The following OR2AG1 variants were observed in gnomAD, a reference collection of about 807,000 sequenced individuals.
OR2AG1 encodes the protein olfactory receptor 2AG1.
For synonymous variants in OR2AG1, 157 were observed against 155.6 expected (o/e 1.01, Z -0.07); for missense variants, 391 against 385.9 (o/e 1.01, Z -0.11).
At position 6,785,841 on chromosome 11, in the gene OR2AG1, C is replaced by G. The variant is rs1424180978; in HGVS notation, c.804C>G (p.Thr268=). The part of the protein sequence containing the change: ...MYVLPSSFHS[T]RQDNIISVFY... ...TCTTGCCCAGTTCCTTCCACAGCAC[C>G]AGACAAGACAACATCATCTCTGTTT... The change falls in exon 2 of 2, where the codon ACC becomes ACG. Residue 268 remains threonine, a synonymous_variant. Coordinates refer to ENST00000641258, the MANE Select transcript of OR2AG1 (RefSeq NM_001004489.3). 1 of 1,614,104 alleles carries G rather than the reference C, an allele frequency of 6.2e-7. No individual in the cohort carries two copies. The highest frequency in any genetic ancestry group is 1.1e-5 in the South Asian group (1 of 91,080).
Position 6,785,359 on chromosome 11 carries a change from G to A in OR2AG1, c.322G>A (p.Gly108Ser). The A allele has an allele frequency of 5.0e-6, 8 of 1,614,170 alleles. No individual in the cohort carries two copies. Among genetic ancestry groups the A allele is most frequent in the Non-Finnish European group, 6.8e-6 (8 of 1,180,030 alleles). The change falls in exon 2 of 2, where the codon GGT becomes AGT. Residue 108 changes from glycine (G) to serine (S), a missense_variant. Physicochemically the swap from Gly to Ser is moderately conservative, Grantham distance 56 (BLOSUM62 0). Transcript: ENST00000641258. Reference protein sequence around the residue: ...ALQMFLALTMGGAEDLLLAFM... With the variant: ...ALQMFLALTMSGAEDLLLAFM... The stretch of plus-strand genomic sequence containing the variant: ...TCAGATGTTCCTGGCACTGACAATG[G>A]GTGGTGCTGAGGACCTCCTACTGGC...
At position 6,787,003 on chromosome 11, in the gene OR2AG1, G is replaced by A. The variant is rs1189813442; in HGVS notation, c.*1015G>A. Reference sequence around the variant, plus strand: ...GGCTAATTACATGACACTCTTTTGGGGGATATTGCTGTTTGAAGATTCGCT... The same window carrying A: ...GGCTAATTACATGACACTCTTTTGGAGGATATTGCTGTTTGAAGATTCGCT... On this transcript the variant is annotated 3_prime_UTR_variant, in exon 2 of 2. Coordinates refer to ENST00000641258, the MANE Select transcript of OR2AG1 (RefSeq NM_001004489.3). 6.6e-6 allele frequency: 1 copy of A among 152,190 alleles called. No individual in the cohort carries two copies. The highest frequency in any genetic ancestry group is 1.5e-5 in the Non-Finnish European group (1 of 68,020). 9.4% of individuals were successfully genotyped at this position (152,190 alleles called of 1,614,324 possible).
rs771258085 is a variant in OR2AG1, at chr11:6,785,402, G to C, written c.365G>C (p.Arg122Thr). 2 of 1,614,024 alleles carry C rather than the reference G, an allele frequency of 1.2e-6. No homozygotes were observed. Among genetic ancestry groups the C allele is most frequent in the Non-Finnish European group, 8.5e-7 (1 of 1,180,018 alleles). Reference sequence around the variant, plus strand: ...CTACTGGCCTTCATGGCCTATGACAGGTATGTGGCCATTTGTCATCCTCTG... The same window carrying C: ...CTACTGGCCTTCATGGCCTATGACACGTATGTGGCCATTTGTCATCCTCTG... ...DLLLAFMAYD[R>T]YVAICHPLTY... The change falls in exon 2 of 2, where the codon AGG (arginine) becomes ACG (threonine). Residue 122 changes from arginine to threonine, a missense_variant. Transcript: ENST00000641258.
rs962615911 is a variant in OR2AG1, at chr11:6,788,481, C to T, written c.*2493C>T. 1 of 152,106 alleles carries T rather than the reference C, an allele frequency of 6.6e-6. No individual in the cohort carries two copies. Among genetic ancestry groups the T allele is most frequent in the African/African-American group, 2.4e-5 (1 of 41,412 alleles). The allele number at this position is 152,106 out of a possible 1,614,324, so 9.4% of individuals were successfully genotyped here. On this transcript the variant is annotated 3_prime_UTR_variant, in exon 2 of 2. Transcript: ENST00000641258. Reference sequence around the variant, plus strand: ...ATTTTGGCTAACTCTTCAGTTCTAGCTTCTTTCTCCTCTTTACTCTTTTGG... The same window carrying T: ...ATTTTGGCTAACTCTTCAGTTCTAGTTTCTTTCTCCTCTTTACTCTTTTGG...
At chr11:6,784,668 C>G (rs911563124) in intron 1 of OR2AG1, among the ~76,000 whole-genome samples, 6 of 152,184 alleles carry the variant, frequency 3.9e-5, no homozygotes, top group African/African-American at 1.4e-4. Context: ...AGAAAACTAA[C>G]TGGATAGTTA....
rs1847655336 is a variant in OR2AG1 at position 6,788,931 on chromosome 11, TAAA to T, written c.*2944_*2946del. The T allele has an allele frequency of 6.8e-6, 1 of 147,676 alleles. No homozygotes were observed. Among genetic ancestry groups the T allele is most frequent in the African/African-American group, 2.5e-5 (1 of 39,730 alleles). 9.1% of individuals were successfully genotyped at this position (147,676 alleles called of 1,614,324 possible). On this transcript the variant is annotated 3_prime_UTR_variant, in exon 2 of 2. Coordinates refer to ENST00000641258, the MANE Select transcript of OR2AG1 (RefSeq NM_001004489.3). ...CAAAATAAATAAATAAATAAATAAA[TAAA>T]TAAATAAATAAATAAATAAAGTAAG...
intron 1 of OR2AG1, 82 bp downstream of exon 1, chr11:6,783,553 A>G (rs1195232728): frequency 1.3e-5 from 2 of 152,162 alleles, no homozygotes; most frequent in African/African-American, 4.8e-5. Context: ...AGCATACCCT[A>G]AGAACTTGAA....
chr11:6,785,031 C>T lies in OR2AG1; in HGVS notation c.-7C>T. 1 of 1,578,272 alleles carries T rather than the reference C, an allele frequency of 6.3e-7. No homozygotes were observed. The highest frequency in any genetic ancestry group is 1.2e-5 in the South Asian group (1 of 86,894). ...ATCTTGTTCTAGGTGATGAAAGAAA[C>T]CACAGCATGGAGCTCTGGAACTTCA... On this transcript the variant is annotated 5_prime_UTR_variant, in exon 2 of 2. Transcript: ENST00000641258.
At position 6,786,104 on chromosome 11, in the gene OR2AG1, A is replaced by C; in HGVS notation, c.*116A>C. 1 of 764,092 alleles carries C rather than the reference A, an allele frequency of 1.3e-6. No homozygotes were observed. Among genetic ancestry groups the C allele is most frequent in the Non-Finnish European group, 2.1e-6 (1 of 486,080 alleles). The allele number at this position is 764,092 out of a possible 1,614,324, so 47.3% of individuals were successfully genotyped here. On this transcript the variant is annotated 3_prime_UTR_variant, in exon 2 of 2. Coordinates refer to ENST00000641258, the MANE Select transcript of OR2AG1 (RefSeq NM_001004489.3). The stretch of plus-strand genomic sequence containing the variant: ...GTGCAGAGTATAGCATTTAATAGAA[A>C]AGTGAAGGAATGTAACTGGATTTGT...
chr11:6,786,544 C>T lies in OR2AG1; in HGVS notation c.*556C>T, dbSNP rs965479258. On this transcript the variant is annotated 3_prime_UTR_variant, in exon 2 of 2. Transcript: ENST00000641258. ...CCATATGAAACACTCTAACAAGTGT[C>T]TTTGCTTGTTTGTTTTTGTTTGTTG... 1.3e-5 allele frequency: 2 copies of T among 152,118 alleles called. No homozygotes were observed. The highest frequency in any genetic ancestry group is 2.9e-5 in the Non-Finnish European group (2 of 68,040). The allele number at this position is 152,118 out of a possible 1,614,324, so 9.4% of individuals were successfully genotyped here.
rs1209853828 is a variant in OR2AG1, at chr11:6,790,082, AC to A, written c.*4095del. The A allele has an allele frequency of 2.0e-5, 3 of 152,170 alleles. No homozygotes were observed. Among genetic ancestry groups the A allele is most frequent in the Non-Finnish European group, 4.4e-5 (3 of 68,024 alleles). The allele number at this position is 152,170 out of a possible 1,614,324, so 9.4% of individuals were successfully genotyped here. On this transcript the variant is annotated 3_prime_UTR_variant, in exon 2 of 2. Coordinates refer to ENST00000641258, the MANE Select transcript of OR2AG1 (RefSeq NM_001004489.3). ...TTATTTACCCTTAAAAGGGAAGGAC[AC>A]TCTGTCATTTGCAATGAAATAGACC... is the stretch of plus-strand genomic sequence containing the variant.
Position 6,789,677 on chromosome 11 carries a change from AAAAAC to A in OR2AG1, c.*3694_*3698del, listed in dbSNP as rs1310632420. ...AGAAAACAAACAAACAAACAAACAA[AAAAAC>A]AAAAAACAACGAGATATCACGTCTT... On this transcript the variant is annotated 3_prime_UTR_variant, in exon 2 of 2. Coordinates refer to ENST00000641258, the MANE Select transcript of OR2AG1 (RefSeq NM_001004489.3). 3 of 154,906 alleles carry A rather than the reference AAAAAC, an allele frequency of 1.9e-5. No individual in the cohort carries two copies. The highest frequency in any genetic ancestry group is 7.3e-5 in the African/African-American group (3 of 41,140). The allele number at this position is 154,906 out of a possible 1,614,324, so 9.6% of individuals were successfully genotyped here.
In OR2AG1 at chr11:6,786,138, C is replaced by A; in HGVS notation, c.*150C>A. The A allele has an allele frequency of 1.6e-6, 1 of 614,526 alleles. No individual in the cohort carries two copies. The highest frequency in any genetic ancestry group is 2.8e-6 in the Non-Finnish European group (1 of 361,094). 38.1% of individuals were successfully genotyped at this position (614,526 alleles called of 1,614,324 possible). A position where few individuals can be genotyped will look rare whatever the true frequency, so the allele number is the denominator to read the frequency against. On this transcript the variant is annotated 3_prime_UTR_variant, in exon 2 of 2. Transcript: ENST00000641258. ...AATGTAACTGGATTTGTCAAATGCT[C>A]TTTAAATCTTCTCTCCATGAAGTAA...
chr11:6,783,998 C>T (rs1847597900), intron 1 of OR2AG1, among the ~76,000 whole-genome samples: 1 of 152,206 alleles, frequency 6.6e-6, no homozygotes, highest in Non-Finnish European at 1.5e-5. Context: ...TATCCAGTTT[C>T]ACAATGCACA....
rs1221880838 is a variant in OR2AG1 at position 6,785,060 on chromosome 11, T to C, written c.23T>C (p.Leu8Ser). ...AGCATGGAGCTCTGGAACTTCACCT[T>C]GGGAAGTGGCTTCATTTTGGTGGGG... Reference protein sequence around the residue: MELWNFTLGSGFILVGIL... With the variant: MELWNFTSGSGFILVGIL... Residue 8 changes from leucine (L) to serine (S), a missense_variant, in exon 2 of 2, where the codon TTG becomes TCG. Coordinates refer to ENST00000641258, the MANE Select transcript of OR2AG1 (RefSeq NM_001004489.3). The C allele has an allele frequency of 1.2e-6, 2 of 1,610,522 alleles. No homozygotes were observed. The highest frequency in any genetic ancestry group is 3.3e-5 in the Admixed American group (2 of 59,842).
rs1303806890 is a variant in OR2AG1 at position 6,786,487 on chromosome 11, T to A, written c.*499T>A. On this transcript the variant is annotated 3_prime_UTR_variant, in exon 2 of 2. Coordinates refer to ENST00000641258, the MANE Select transcript of OR2AG1 (RefSeq NM_001004489.3). ...TAGTAGTTTGCTTGTATTTGCATTGTACTTGCTCTTTTTTTTCTTTCTAAA... is the reference window on the plus strand; with the variant it reads ...TAGTAGTTTGCTTGTATTTGCATTGAACTTGCTCTTTTTTTTCTTTCTAAA... The A allele has an allele frequency of 6.6e-6, 1 of 152,588 alleles. No homozygotes were observed. The highest frequency in any genetic ancestry group is 1.9e-4 in the East Asian group (1 of 5,204). The allele number at this position is 152,588 out of a possible 1,614,324, so 9.5% of individuals were successfully genotyped here.
At position 6,785,592 on chromosome 11, in the gene OR2AG1, G is replaced by C. The variant is rs762557848; in HGVS notation, c.555G>C (p.Leu185=). The C allele has an allele frequency of 6.2e-7, 1 of 1,614,170 alleles. No individual in the cohort carries two copies. The highest frequency in any genetic ancestry group is 8.5e-7 in the Non-Finnish European group (1 of 1,180,018). The change falls in exon 2 of 2, where the codon CTG becomes CTC. Residue 185 remains leucine (L), a synonymous_variant. Transcript: ENST00000641258. The stretch of plus-strand genomic sequence containing the variant: ...TTCTCTGTGAGATCCCACACTTGCT[G>C]AAGGTGGCCTGTGCTGATACCTCCA... ...RHLLCEIPHL[L]KVACADTSRY... is the part of the protein sequence containing the mutation.
chr11:6,791,062 A>G lies in OR2AG1; in HGVS notation c.*5074A>G, dbSNP rs1451541984. On this transcript the variant is annotated 3_prime_UTR_variant, in exon 2 of 2. Coordinates refer to ENST00000641258, the MANE Select transcript of OR2AG1 (RefSeq NM_001004489.3). ...GCAAGAACAAAGGCCAAGGAGATGC[A>G]CTTGTGTCTTGGTGAGTAGCCAAAG... The G allele has an allele frequency of 6.6e-6, 1 of 152,126 alleles. No individual in the cohort carries two copies. Among genetic ancestry groups the G allele is most frequent in the Non-Finnish European group, 1.5e-5 (1 of 68,002 alleles). The allele number at this position is 152,126 out of a possible 1,614,324, so 9.4% of individuals were successfully genotyped here. A position where few individuals can be genotyped will look rare whatever the true frequency, so the allele number is the denominator to read the frequency against.
In OR2AG1 at chr11:6,786,614, T is replaced by C. The variant is rs547803047; in HGVS notation, c.*626T>C. ...TTTATAGTTCCTAAAATGCAATTAT[T>C]AATAAAATGAAGAAAATAGGAGGTG... is the stretch of plus-strand genomic sequence containing the variant. On this transcript the variant is annotated 3_prime_UTR_variant, in exon 2 of 2. Transcript: ENST00000641258. 5.3e-5 allele frequency: 8 copies of C among 152,342 alleles called. No homozygotes were observed. In the South Asian group the frequency reaches 1.7e-3, roughly 32 times the overall value. 9.4% of individuals were successfully genotyped at this position (152,342 alleles called of 1,614,324 possible).
Sources: allele counts gnomAD v4.1 joint callset (sites outside exome capture counted in the v4.1 genomes callset), GRCh38; gene constraint gnomAD v4.1.1; transcripts MANE v1.5; gene names NCBI Gene and HGNC (gene_info 2026-07-23, HGNC 2026-07-21).